The following VIPR1 variants were observed in gnomAD, a reference collection of about 807,000 sequenced individuals.
The protein encoded by VIPR1 is vasoactive intestinal polypeptide receptor 1.
Under a neutral mutation model 58.8 loss-of-function variants are expected in VIPR1, and 59 were observed. The ratio of observed to expected loss-of-function variants is 1.00; its 90% CI spans 0.81 to 1.25. VIPR1 has a LOEUF of 1.25. Ranked by LOEUF, VIPR1 falls within the 50% of genes most tolerant of loss-of-function variation. The pLI, the probability that VIPR1 is intolerant of heterozygous loss-of-function variation, is 0.00. For synonymous variants in VIPR1, 251 were observed against 242.1 expected (o/e 1.04, Z -0.34); for missense variants, 626 against 602.7 (o/e 1.04, Z -0.40).
At chr3:42,502,923 G>C in intron 1 of VIPR1, 110 bp downstream of exon 1, 1 of 843,614 alleles carries the variant, frequency 1.2e-6, no homozygotes, top group Non-Finnish European at 1.6e-6. Context: ...CTGTGTAAGA[G>C]GAATAGGGGA....
chr3:42,522,103 T>TATA lies in VIPR1; in HGVS notation c.292+2773_292+2774insATA. Among the ~76,000 whole-genome samples the TATA allele has an allele frequency of 1.2e-3, 14 of 11,824 alleles. No homozygotes were observed. The South Asian group carries it at 0.019, about 16-fold the overall frequency. 7.8% of individuals were successfully genotyped at this position (11,824 alleles called of 152,430 possible). A position where few individuals can be genotyped will look rare whatever the true frequency, so the allele number is the denominator to read the frequency against. On this transcript the variant is annotated intron_variant, in intron 3 of 12. Transcript: ENST00000325123. ...CGAATATATATATATATATATATAT[T>TATA]TTTTTTTTTTTTTTTTTTTTTTTTT...
chr3:42,507,130 T>C (rs1474084204), intron 1 of VIPR1: 4 of 152,246 alleles, frequency 2.6e-5, no homozygotes, highest in Non-Finnish European at 4.4e-5. Flanking sequence ...ACTATGATAC[T>C]GTCATTACAC....
intron 10 of VIPR1, chr3:42,532,805 G>A (rs760549746): frequency 1.7e-4 from 31 of 185,608 alleles, no homozygotes; most frequent in Admixed American, 3.7e-4. Flanking sequence ...TTACATGCCA[G>A]GCACACGCTA....
chr3:42,490,974 G>A (rs540037998), intron 1 of VIPR1, among the ~76,000 whole-genome samples: 9 of 152,154 alleles, frequency 5.9e-5, no homozygotes, highest in South Asian at 4.1e-4. Context: ...GTAAGCGCTC[G>A]GAACTAAGGA....
intron 1 of VIPR1, chr3:42,512,675 G>A: frequency 3.2e-6 from 3 of 927,210 alleles, no homozygotes; most frequent in Non-Finnish European, 3.9e-6. Flanking sequence ...AGGAGACACT[G>A]AGAATGTCTG....
Position 42,530,920 on chromosome 3 carries a change from C to T in VIPR1, c.778C>T (p.Leu260Phe). 6.2e-7 allele frequency: 1 copy of T among 1,614,046 alleles called. No individual in the cohort carries two copies. Among genetic ancestry groups the T allele is most frequent in the Middle Eastern group, 1.7e-4 (1 of 6,058 alleles). The change falls in exon 7 of 13, where the codon CTC (leucine) becomes TTC (phenylalanine). Residue 260 changes from leucine (L) to phenylalanine (F), a missense_variant. Coordinates refer to ENST00000325123, the MANE Select transcript of VIPR1 (RefSeq NM_004624.4). ...GCGGAAGTACTTCTGGGGGTACATA[C>T]TCATCGGCTGGGGTATGGTACCAGG... ...SERKYFWGYILIGWGVPSTFT... is the reference protein window; with the variant it reads ...SERKYFWGYIFIGWGVPSTFT...
chr3:42,533,710 T>C (rs113287487), intron 10 of VIPR1: 2 of 152,198 alleles, frequency 1.3e-5, no homozygotes, highest in African/African-American at 4.8e-5. Flanking sequence ...GCCTTTGATT[T>C]AAAGAAAGCC....
In VIPR1 at chr3:42,535,644, G is replaced by C. The variant is rs115813792; in HGVS notation, c.1182+260G>C. Reference sequence around the variant, plus strand: ...ACAAACAGCTTTTTACTAAACCCCAGGGGGATTCCTGTGCACAACAGAGTT... The same window carrying C: ...ACAAACAGCTTTTTACTAAACCCCACGGGGATTCCTGTGCACAACAGAGTT... On this transcript the variant is annotated intron_variant, in intron 12 of 12. Transcript: ENST00000325123. Among the ~76,000 whole-genome samples, 630 of 152,280 alleles carry C rather than the reference G, an allele frequency of 4.1e-3. 1 individual carries two copies. The highest frequency in any genetic ancestry group is 0.014 in the African/African-American group (582 of 41,548).
chr3:42,500,929 A>G (rs1699855960), upstream of VIPR1, among the ~76,000 whole-genome samples: 1 of 152,180 alleles, frequency 6.6e-6, no homozygotes, highest in Non-Finnish European at 1.5e-5. Context: ...GGAGTACAGT[A>G]GCTCCCCAAG....
chr3:42,503,095 G>T (rs1242068528), intron 1 of VIPR1, among the ~76,000 whole-genome samples: 1 of 152,148 alleles, frequency 6.6e-6, no homozygotes, highest in Non-Finnish European at 1.5e-5. Context: ...TGCCTTCCTT[G>T]TCGTGGTTGT....
intron 9 of VIPR1, 170 bp downstream of exon 9, chr3:42,532,039 A>C: frequency 1.1e-6 from 1 of 929,174 alleles, no homozygotes; most frequent in Non-Finnish European, 1.7e-6. Flanking sequence ...CCTTGAGCGT[A>C]AGCGGATTGG....
At chr3:42,511,012 C>T (rs973113699) in intron 1 of VIPR1, among the ~76,000 whole-genome samples, 11 of 152,292 alleles carry the variant, frequency 7.2e-5, no homozygotes, top group South Asian at 2.1e-4. Flanking sequence ...AAAGTGAGGG[C>T]GTCCATTATC....
intron 1 of VIPR1, among the ~76,000 whole-genome samples, chr3:42,492,055 G>A (rs1005519244): frequency 2.0e-5 from 3 of 152,116 alleles, no homozygotes; most frequent in Admixed American, 2.0e-4. Context: ...TCAGGGATGC[G>A]CTTGCAAGAA....
At chr3:42,499,937 A>C (rs1211725962), upstream of VIPR1, 1 of 152,228 alleles carries the variant, frequency 6.6e-6, no homozygotes, top group Non-Finnish European at 1.5e-5. Context: ...CAATTAGTTG[A>C]AACACAGTCA....
At chr3:42,505,519 C>T (rs1195662099) in intron 1 of VIPR1, among the ~76,000 whole-genome samples, 1 of 152,238 alleles carries the variant, frequency 6.6e-6, no homozygotes, top group African/African-American at 2.4e-5. Flanking sequence ...GCAGGCCACC[C>T]TGTGAGCTTT....
intron 1 of VIPR1, among the ~76,000 whole-genome samples, chr3:42,494,948 T>C (rs541250079): frequency 1.2e-4 from 19 of 152,282 alleles, no homozygotes; most frequent in Non-Finnish European, 2.8e-4. Context: ...TTTACTTCCT[T>C]ACCATAATAA....
intron 1 of VIPR1, 121 bp downstream of exon 1, chr3:42,502,934 C>A: frequency 1.3e-6 from 1 of 757,798 alleles, no homozygotes; most frequent in Non-Finnish European, 1.8e-6. Flanking sequence ...GAATAGGGGA[C>A]ATCAAGCATC....
upstream of VIPR1, among the ~76,000 whole-genome samples, chr3:42,499,633 C>T (rs928297469): frequency 1.3e-5 from 2 of 152,220 alleles, no homozygotes; most frequent in Admixed American, 6.5e-5. Context: ...GAGTAGGAGG[C>T]GACTATGGCT....
intron 5 of VIPR1, 155 bp from the exon 6 acceptor site, chr3:42,527,836 C>G: frequency 3.6e-6 from 4 of 1,111,408 alleles, no homozygotes; most frequent in Non-Finnish European, 5.1e-6. Context: ...GGGGGTGGGG[C>G]TCGTATTTCA....
Sources: allele counts gnomAD v4.1 joint callset (sites outside exome capture counted in the v4.1 genomes callset), GRCh38; gene constraint gnomAD v4.1.1; transcripts MANE v1.5; gene names NCBI Gene and HGNC (gene_info 2026-07-23, HGNC 2026-07-21).